The following CD36 variants were observed in gnomAD, a reference collection of about 807,000 sequenced individuals.
CD36 encodes the protein platelet glycoprotein 4.
In CD36, 119 loss-of-function variants were observed where a neutral mutation model predicts 55.2. The ratio of observed to expected loss-of-function variants is 2.15; its 90% CI spans 1.86 to 2.51. The LOEUF (loss-of-function observed/expected upper bound fraction) is 2.51, where lower values mean the gene tolerates loss of function less well. CD36 is among the 30% of genes most tolerant of loss of function. The pLI, the probability that CD36 is intolerant of heterozygous loss-of-function variation, is 0.00. For missense variants in CD36, 819 were observed against 555.5 expected (o/e 1.47, Z -4.77); for synonymous variants, 186 against 193.6 (o/e 0.96, Z 0.33).
chr7:80,649,543 GATTAA>G (rs1255452783), intron 3 of CD36, among the ~76,000 whole-genome samples: 1 of 151,936 alleles, frequency 6.6e-6, no homozygotes, highest in Non-Finnish European at 1.5e-5. Context: ...TGGAGAGACA[GATTAA>G]ATTAGAGGAG....
intron 1 of CD36, among the ~76,000 whole-genome samples, chr7:80,602,826 T>C (rs1040635595): frequency 2.0e-5 from 3 of 152,164 alleles, no homozygotes; most frequent in Non-Finnish European, 4.4e-5. Flanking sequence ...CTCTTCCAAC[T>C]TGGAAAAAAT....
intron 1 of CD36, among the ~76,000 whole-genome samples, chr7:80,622,897 G>A (rs1326417727): frequency 2.0e-5 from 3 of 152,090 alleles, no homozygotes; most frequent in Admixed American, 6.5e-5. Context: ...GCATTATTGG[G>A]TTGTCTTGGT....
chr7:80,672,814 C>T lies in CD36; in HGVS notation c.1170C>T (p.Asn390=), dbSNP rs201728797. The T allele has an allele frequency of 1.2e-6, 2 of 1,610,900 alleles. No individual in the cohort carries two copies. The highest frequency in any genetic ancestry group is 1.7e-6 in the Non-Finnish European group (2 of 1,178,106). The change falls in exon 12 of 15, where the codon AAC becomes AAT. Residue 390 remains asparagine, a synonymous_variant. Transcript: ENST00000447544. ...TLQFAKRLQV[N]LLVKPSEKIQ... ...AATTTGCAAAACGGCTGCAGGTCAA[C>T]CTATTGGTCAAGCCATCAGAAAAAA...
rs554556482 is a variant in CD36 at position 80,673,240 on chromosome 7, T to C, written c.1200-115T>C. On this transcript the variant is annotated intron_variant, in intron 12 of 14. Coordinates refer to ENST00000447544, the MANE Select transcript of CD36 (RefSeq NM_001001548.3). Reference sequence around the variant, plus strand: ...CTATATTAAAATTTAAATGAGTCATTACAGGAACAAAATCAAATTAGCAAC... The same window carrying C: ...CTATATTAAAATTTAAATGAGTCATCACAGGAACAAAATCAAATTAGCAAC... 12 of 594,164 alleles carry C rather than the reference T, an allele frequency of 2.0e-5. No homozygotes were observed. The Admixed American group carries it at 3.0e-4, about 15-fold the overall frequency. 36.8% of individuals were successfully genotyped at this position (594,164 alleles called of 1,614,324 possible).
intron 1 of CD36, among the ~76,000 whole-genome samples, chr7:80,602,818 C>A (rs371874652): frequency 6.6e-6 from 1 of 152,134 alleles, no homozygotes; most frequent in African/African-American, 2.4e-5. Context: ...TGATTATCCT[C>A]TTCCAACTTG....
At chr7:80,652,221 TAGAC>T (rs1795680823) in intron 3 of CD36, among the ~76,000 whole-genome samples, 3 of 152,286 alleles carry the variant, frequency 2.0e-5, no homozygotes, top group East Asian at 1.9e-4. Context: ...TTTCAAGAAA[TAGAC>T]AAGCATATAT....
chr7:80,667,750 T>TG (rs1797243868), intron 8 of CD36, among the ~76,000 whole-genome samples: 9 of 108,224 alleles, frequency 8.3e-5, no homozygotes, highest in Admixed American at 4.4e-4. Flanking sequence ...TTCTTTTGTT[T>TG]TTTTTTTTTT....
At chr7:80,665,611 TAC>T (rs1458938822) in intron 7 of CD36, among the ~76,000 whole-genome samples, 1 of 152,096 alleles carries the variant, frequency 6.6e-6, no homozygotes, top group African/African-American at 2.4e-5. Context: ...ACTCTAATAT[TAC>T]AGAGAGATGT....
intron 12 of CD36, 85 bp from the exon 13 acceptor site, chr7:80,673,270 A>G: frequency 1.5e-6 from 1 of 665,656 alleles, no homozygotes; most frequent in South Asian, 2.1e-5. Flanking sequence ...AGCAACAGCA[A>G]CTAATTTATG....
intron 12 of CD36, 40 bp downstream of exon 12, chr7:80,672,883 GT>G (rs777276582): frequency 3.6e-4 from 439 of 1,230,536 alleles, no homozygotes; most frequent in Middle Eastern, 6.4e-4. Flanking sequence ...ATGATCTGTA[GT>G]ATCGTAGTAT....
intron 1 of CD36, chr7:80,602,475 T>C (rs1340456682): frequency 6.6e-6 from 1 of 152,158 alleles, no homozygotes; most frequent in East Asian, 1.9e-4. Flanking sequence ...TTGGGCTCTC[T>C]AGAAAGGTAA....
chr7:80,621,371 A>G (rs1336118831), intron 1 of CD36, among the ~76,000 whole-genome samples: 1 of 152,184 alleles, frequency 6.6e-6, no homozygotes, highest in African/African-American at 2.4e-5. Flanking sequence ...ACATTTATCT[A>G]ATTTTCTTAA....
In CD36 at chr7:80,646,798, G is replaced by A; in HGVS notation, c.58G>A (p.Ala20Thr). Reference protein sequence around the residue: ...IAGAVIGAVLAVFGGILMPVG... With the variant: ...IAGAVIGAVLTVFGGILMPVG... ...TGGGGCTGTCATTGGTGCTGTCCTG[G>A]CTGTGTTTGGAGGTATTCTAATGCC... Residue 20 changes from alanine to threonine, a missense_variant, in exon 3 of 15, where the codon GCT becomes ACT. Coordinates refer to ENST00000447544, the MANE Select transcript of CD36 (RefSeq NM_001001548.3). The A allele has an allele frequency of 6.2e-7, 1 of 1,613,982 alleles. No individual in the cohort carries two copies. The highest frequency in any genetic ancestry group is 8.5e-7 in the Non-Finnish European group (1 of 1,179,928).
At chr7:80,610,757 C>T (rs10268765) in intron 1 of CD36, among the ~76,000 whole-genome samples, 1 of 151,648 alleles carries the variant, frequency 6.6e-6, no homozygotes, top group South Asian at 2.1e-4. Context: ...TGGATTTTTA[C>T]TAGAGACTGG....
chr7:80,667,429 C>CA (rs564416939), intron 8 of CD36, among the ~76,000 whole-genome samples: 47,051 of 82,468 alleles, frequency 0.57, 12,233 homozygotes, highest in Admixed American at 0.6. Flanking sequence ...GACCCTGTCT[C>CA]AAAAAAAAAA....
chr7:80,651,808 C>T (rs1795645163), intron 3 of CD36, among the ~76,000 whole-genome samples: 1 of 152,052 alleles, frequency 6.6e-6, no homozygotes. Context: ...TTTTGTGGGG[C>T]TGAAGTGGGA....
At chr7:80,640,222 T>C (rs1176704201) in intron 1 of CD36, among the ~76,000 whole-genome samples, 1 of 152,044 alleles carries the variant, frequency 6.6e-6, no homozygotes, top group Admixed American at 6.6e-5. Flanking sequence ...TGTCTTTCCA[T>C]TTGCATATTT....
chr7:80,626,478 G>T (rs1420454251), intron 1 of CD36, among the ~76,000 whole-genome samples: 2 of 151,982 alleles, frequency 1.3e-5, no homozygotes, highest in Non-Finnish European at 2.9e-5. Context: ...TATATTTAAA[G>T]CATGAGAAAA....
At chr7:80,662,737 C>T (rs1051371877) in intron 5 of CD36, among the ~76,000 whole-genome samples, 2 of 152,010 alleles carry the variant, frequency 1.3e-5, no homozygotes, top group African/African-American at 2.4e-5. Context: ...TTGAGAAGAC[C>T]ACTTTAAGTG....
Sources: gnomAD v4.1 joint callset for allele counts (sites outside exome capture counted in the v4.1 genomes callset) on GRCh38, gnomAD v4.1.1 for gene constraint, MANE v1.5 for transcripts, NCBI Gene and HGNC (gene_info 2026-07-23, HGNC 2026-07-21) for gene names.